The following SRRM3 variants were observed in gnomAD, a reference collection of about 807,000 sequenced individuals.
The protein encoded by SRRM3 is serine/arginine repetitive matrix protein 3.
SRRM3 carries 27 observed loss-of-function variants against 66.2 expected under a neutral mutation model. That is an observed-to-expected ratio of 0.41 (90% CI 0.30 to 0.56). The LOEUF (loss-of-function observed/expected upper bound fraction) is 0.56. SRRM3 is among the 20% of genes least tolerant of loss of function. The pLI, the probability that SRRM3 is intolerant of heterozygous loss-of-function variation, is 0.32. For synonymous variants in SRRM3, 391 were observed against 414.9 expected (o/e 0.94, Z 0.70); for missense variants, 918 against 991.9 (o/e 0.93, Z 1.00).
intron 2 of SRRM3, among the ~76,000 whole-genome samples, chr7:76,236,114 C>T (rs1554604878): frequency 6.7e-6 from 1 of 150,266 alleles, no homozygotes. Context: ...AATTCGAGAC[C>T]AGCCTGACCA....
At position 76,282,952 on chromosome 7, in the gene SRRM3, C is replaced by T. The variant is rs1191149486; in HGVS notation, c.1596-12C>T. 15 of 1,336,054 alleles carry T rather than the reference C, an allele frequency of 1.1e-5. No individual in the cohort carries two copies. Among genetic ancestry groups the T allele is most frequent in the Non-Finnish European group, 1.4e-5 (15 of 1,048,798 alleles). The allele number at this position is 1,336,054 out of a possible 1,614,324, so 82.8% of individuals were successfully genotyped here. Reference sequence around the variant, plus strand: ...GGCCGCGTCGCTCACTTACCTCGCGCCGGCCCCGCAGGGACAAGGACGGCG... The same window carrying T: ...GGCCGCGTCGCTCACTTACCTCGCGTCGGCCCCGCAGGGACAAGGACGGCG... On this transcript the variant is annotated splice_polypyrimidine_tract_variant and intron_variant, in intron 13 of 14. Transcript: ENST00000611745.
At chr7:76,257,126 A>G (rs1257953298) in intron 3 of SRRM3, among the ~76,000 whole-genome samples, 3 of 152,164 alleles carry the variant, frequency 2.0e-5, no homozygotes, top group Admixed American at 2.0e-4. Flanking sequence ...GGGAATGCAG[A>G]CCAGTAGGTC....
Position 76,282,122 on chromosome 7 carries a change from T to C in SRRM3, c.1370+320T>C, listed in dbSNP as rs1191034112. Among the ~76,000 whole-genome samples, 7 of 131,354 alleles carry C rather than the reference T, an allele frequency of 5.3e-5. No homozygotes were observed. In the East Asian group the frequency reaches 1.7e-3, roughly 31 times the overall value. 86.2% of individuals were successfully genotyped at this position (131,354 alleles called of 152,430 possible). On this transcript the variant is annotated intron_variant, in intron 12 of 14. Coordinates refer to ENST00000611745, the MANE Select transcript of SRRM3 (RefSeq NM_001110199.3). Reference sequence around the variant, plus strand: ...CTCCGCACACTGATCTCAACTCCCCTCTCACAGGGCTCCCTCCCTCGACGA... The same window carrying C: ...CTCCGCACACTGATCTCAACTCCCCCCTCACAGGGCTCCCTCCCTCGACGA...
chr7:76,261,467 G>A (rs377428095), intron 7 of SRRM3, 53 bp downstream of exon 7: 9 of 1,598,646 alleles, frequency 5.6e-6, no homozygotes, highest in Non-Finnish European at 7.7e-6. Flanking sequence ...TGGGGCCCAG[G>A]GCCAGGGCTG....
At chr7:76,266,378 T>C (rs1484400252) in intron 10 of SRRM3, among the ~76,000 whole-genome samples, 1 of 114,126 alleles carries the variant, frequency 8.8e-6, no homozygotes, top group Non-Finnish European at 1.6e-5. Flanking sequence ...ATATAAATAA[T>C]ATATTTAATA....
chr7:76,254,395 T>C (rs1554607403), intron 3 of SRRM3, among the ~76,000 whole-genome samples: 1 of 152,162 alleles, frequency 6.6e-6, no homozygotes, highest in Non-Finnish European at 1.5e-5. Flanking sequence ...CTTGGCTCAC[T>C]GCAACCTCCG....
chr7:76,249,899 C>T (rs1403872894), intron 3 of SRRM3, among the ~76,000 whole-genome samples: 4 of 151,890 alleles, frequency 2.6e-5, no homozygotes, highest in African/African-American at 9.7e-5. Context: ...AATAATAAAT[C>T]TTAGCCTACA....
At chr7:76,235,937 C>T (rs564529027) in intron 2 of SRRM3, among the ~76,000 whole-genome samples, 12 of 133,154 alleles carry the variant, frequency 9.0e-5, no homozygotes, top group South Asian at 7.7e-4. Flanking sequence ...ACCCAGGAGG[C>T]GGAGGTTGCA....
chr7:76,221,620 C>G (rs1447866020), intron 1 of SRRM3, among the ~76,000 whole-genome samples: 1 of 152,160 alleles, frequency 6.6e-6, no homozygotes, highest in East Asian at 1.9e-4. Context: ...CCTCGGCCCC[C>G]CAAAGTGCTG....
intron 3 of SRRM3, among the ~76,000 whole-genome samples, chr7:76,256,186 T>C (rs1317114188): frequency 3.3e-5 from 5 of 151,956 alleles, no homozygotes; most frequent in Admixed American, 2.0e-4. Flanking sequence ...CAAAAGCAAG[T>C]TTATTAAGAG....
intron 11 of SRRM3, among the ~76,000 whole-genome samples, chr7:76,280,193 T>G (rs1802458104): frequency 6.6e-6 from 1 of 151,594 alleles, no homozygotes; most frequent in South Asian, 2.1e-4. Flanking sequence ...GCTCCAAAGC[T>G]CTCTGCAGGG....
Position 76,217,817 on chromosome 7 carries a change from G to A in SRRM3, c.-40+15750G>A, listed in dbSNP as rs192050313. On this transcript the variant is annotated intron_variant, in intron 1 of 14. Transcript: ENST00000611745. ...TTGCATTTTCTCCCAGCAGAATATC[G>A]TAAGAGGAAGGCTGTTTCTTCAGTC... Among the ~76,000 whole-genome samples the A allele has an allele frequency of 2.6e-5, 4 of 152,250 alleles. No individual in the cohort carries two copies. The East Asian group carries it at 5.8e-4, about 22-fold the overall frequency.
chr7:76,238,212 G>T (rs1171407350), intron 2 of SRRM3, among the ~76,000 whole-genome samples: 1 of 152,220 alleles, frequency 6.6e-6, no homozygotes, highest in Admixed American at 6.5e-5. Flanking sequence ...GGGCACCTGT[G>T]TTCTGGAGCT....
At chr7:76,228,016 C>T (rs199726458) in intron 1 of SRRM3, among the ~76,000 whole-genome samples, 3 of 152,010 alleles carry the variant, frequency 2.0e-5, no homozygotes, top group African/African-American at 7.2e-5. Context: ...ATTATAGGCA[C>T]GCACCACCAC....
intron 10 of SRRM3, 47 bp from the exon 11 acceptor site, chr7:76,267,211 G>C (rs781951525): frequency 1.7e-5 from 24 of 1,453,686 alleles, no homozygotes; most frequent in Non-Finnish European, 2.1e-5. Context: ...CTTGCAAAGC[G>C]GGTGTCCCAC....
chr7:76,252,568 C>T (rs1333761120), intron 3 of SRRM3, among the ~76,000 whole-genome samples: 2 of 152,036 alleles, frequency 1.3e-5, no homozygotes, highest in African/African-American at 4.8e-5. Context: ...GTGATCTGCC[C>T]ACCTTGGCCC....
intron 1 of SRRM3, among the ~76,000 whole-genome samples, chr7:76,211,822 T>TTATTATTATTAA (rs1309350517): frequency 8.0e-6 from 1 of 124,470 alleles, no homozygotes; most frequent in East Asian, 2.2e-4. Flanking sequence ...ACTACTATTA[T>TTATTATTATTAA]TATTATTATT....
intron 1 of SRRM3, among the ~76,000 whole-genome samples, chr7:76,221,621 C>A (rs781939134): frequency 5.7e-4 from 87 of 152,292 alleles, no homozygotes; most frequent in Non-Finnish European, 1.0e-3. Flanking sequence ...CTCGGCCCCC[C>A]AAAGTGCTGG....
chr7:76,236,757 G>A (rs546382371), intron 2 of SRRM3, among the ~76,000 whole-genome samples: 18 of 152,342 alleles, frequency 1.2e-4, no homozygotes, highest in African/African-American at 3.8e-4. Flanking sequence ...ACCAGGTAGC[G>A]GGGAGGAGGC....
Sources: gnomAD v4.1 joint callset for allele counts (sites outside exome capture counted in the v4.1 genomes callset) on GRCh38, gnomAD v4.1.1 for gene constraint, MANE v1.5 for transcripts, NCBI Gene and HGNC (gene_info 2026-07-23, HGNC 2026-07-21) for gene names.